The following PALLD variants were observed in gnomAD, a reference collection of about 807,000 sequenced individuals.
PALLD encodes palladin, cytoskeletal associated protein, also known as palladin.
PALLD carries 61 observed loss-of-function variants against 123.5 expected under a neutral mutation model. The observed-to-expected ratio is 0.49, with a 90% CI of 0.40 to 0.61. The LOEUF (loss-of-function observed/expected upper bound fraction) is 0.61. PALLD is among the 20% of genes least tolerant of loss of function. PALLD has a pLI of 0.00. For missense variants in PALLD, 1,273 were observed against 1,377.0 expected (o/e 0.92, Z 1.20); for synonymous variants, 465 against 496.4 (o/e 0.94, Z 0.84).
At chr4:168,867,031 C>T (rs1433249082) in intron 10 of PALLD, among the ~76,000 whole-genome samples, 4 of 152,148 alleles carry the variant, frequency 2.6e-5, no homozygotes, top group Non-Finnish European at 5.9e-5. Context: ...GACATGGTAA[C>T]GTCATGGTCA....
chr4:168,854,565 T>C (rs1327161060), intron 10 of PALLD, among the ~76,000 whole-genome samples: 1 of 152,100 alleles, frequency 6.6e-6, no homozygotes, highest in Non-Finnish European at 1.5e-5. Context: ...TGTGCTGAGG[T>C]CTCAAAGAGC....
At chr4:168,552,056 T>C (rs890737641) in intron 2 of PALLD, among the ~76,000 whole-genome samples, 1 of 152,138 alleles carries the variant, frequency 6.6e-6, no homozygotes, top group Non-Finnish European at 1.5e-5. Flanking sequence ...GTAAAATCTT[T>C]GAGATTTACC....
intron 1 of PALLD, chr4:168,507,741 G>C (rs1762139138): frequency 5.5e-6 from 1 of 180,660 alleles, no homozygotes; most frequent in East Asian, 9.0e-5. Flanking sequence ...ACTCTTCCTT[G>C]CCTACTGACT....
chr4:168,650,019 C>T (rs529484590), intron 2 of PALLD, among the ~76,000 whole-genome samples: 17 of 151,918 alleles, frequency 1.1e-4, no homozygotes, highest in African/African-American at 3.9e-4. Context: ...ACTAAAAGTA[C>T]AAAAATTAAC....
chr4:168,682,385 T>C (rs534597999), intron 4 of PALLD, among the ~76,000 whole-genome samples: 50 of 152,210 alleles, frequency 3.3e-4, no homozygotes, highest in Non-Finnish European at 4.6e-4. Context: ...AGCTCAAGTT[T>C]AGTGAAGTTA....
chr4:168,834,565 G>A (rs6855915), intron 10 of PALLD, among the ~76,000 whole-genome samples: 5 of 151,796 alleles, frequency 3.3e-5, no homozygotes, highest in South Asian at 2.1e-4. Flanking sequence ...GGTGAAACCC[G>A]GTCTCTACTA....
intron 10 of PALLD, chr4:168,864,622 A>G (rs1439976628): frequency 6.6e-6 from 1 of 152,190 alleles, no homozygotes; most frequent in African/African-American, 2.4e-5. Context: ...TGTATATACT[A>G]CTTCCCTAAA....
At chr4:168,921,853 A>C in intron 18 of PALLD, 112 bp downstream of exon 18, 1 of 876,476 alleles carries the variant, frequency 1.1e-6, no homozygotes, top group South Asian at 1.4e-5. Flanking sequence ...GAAAAAATAG[A>C]TTGTATCATC....
At chr4:168,636,783 A>T (rs1776387450) in intron 2 of PALLD, among the ~76,000 whole-genome samples, 2 of 152,166 alleles carry the variant, frequency 1.3e-5, no homozygotes, top group African/African-American at 4.8e-5. Context: ...CAGTGCAGAA[A>T]AGGGCCCCAG....
chr4:168,667,542 A>G (rs1228402227), intron 2 of PALLD, among the ~76,000 whole-genome samples: 2 of 152,158 alleles, frequency 1.3e-5, no homozygotes, highest in Admixed American at 6.5e-5. Context: ...GCAGCCTGAA[A>G]TTTCCCACAC....
At chr4:168,915,128 C>T (rs2151419658) in intron 16 of PALLD, among the ~76,000 whole-genome samples, 1 of 152,268 alleles carries the variant, frequency 6.6e-6, no homozygotes, top group Middle Eastern at 3.4e-3. Flanking sequence ...GAAGGGTAAA[C>T]TATATTAAAA....
intron 2 of PALLD, among the ~76,000 whole-genome samples, chr4:168,514,762 C>A (rs890759017): frequency 2.6e-5 from 4 of 152,064 alleles, no homozygotes; most frequent in Non-Finnish European, 4.4e-5. Flanking sequence ...CCAAAATAAC[C>A]CTTGAAGTAT....
At chr4:168,836,798 G>A (rs1159870438) in intron 10 of PALLD, among the ~76,000 whole-genome samples, 1 of 152,072 alleles carries the variant, frequency 6.6e-6, no homozygotes, top group African/African-American at 2.4e-5. Flanking sequence ...ACTCATTGCT[G>A]GGAACCCTGA....
At chr4:168,690,116 G>A (rs1284496529) in intron 6 of PALLD, among the ~76,000 whole-genome samples, 1 of 152,190 alleles carries the variant, frequency 6.6e-6, no homozygotes. Context: ...CTTGACATAG[G>A]AAACTAGTCA....
chr4:168,654,122 A>G (rs373756052), intron 2 of PALLD, among the ~76,000 whole-genome samples: 2 of 152,294 alleles, frequency 1.3e-5, no homozygotes, highest in East Asian at 1.9e-4. Context: ...GATAATTTTA[A>G]ACACAAAAAT....
chr4:168,909,786 A>G (rs530117481), intron 15 of PALLD, among the ~76,000 whole-genome samples: 2 of 152,310 alleles, frequency 1.3e-5, no homozygotes, highest in African/African-American at 4.8e-5. Context: ...CAAAAATAGT[A>G]TGTTCAGACT....
At chr4:168,568,392 T>C (rs1441570485) in intron 2 of PALLD, among the ~76,000 whole-genome samples, 1 of 152,146 alleles carries the variant, frequency 6.6e-6, no homozygotes, top group Non-Finnish European at 1.5e-5. Context: ...TGTTTTCATG[T>C]ACCTCTGTTC....
At chr4:168,528,922 GT>G (rs1265582866) in intron 2 of PALLD, among the ~76,000 whole-genome samples, 2 of 152,174 alleles carry the variant, frequency 1.3e-5, no homozygotes, top group African/African-American at 2.4e-5. Context: ...ATATCATGGA[GT>G]TTGGATGAGG....
chr4:168,531,524 C>A (rs144323727), intron 2 of PALLD, among the ~76,000 whole-genome samples: 135 of 152,238 alleles, frequency 8.9e-4, no homozygotes, highest in African/African-American at 2.8e-3. Flanking sequence ...TCACACTGGA[C>A]ACTGAGTGAT....
Sources: gnomAD v4.1 joint callset for allele counts (sites outside exome capture counted in the v4.1 genomes callset) on GRCh38, gnomAD v4.1.1 for gene constraint, MANE v1.5 for transcripts, NCBI Gene and HGNC (gene_info 2026-07-23, HGNC 2026-07-21) for gene names.